Variants in USH2A observed in about 807,000 individuals in gnomAD.
USH2A encodes usherin.
USH2A carries 443 observed loss-of-function variants against 538.9 expected under a neutral mutation model. The observed-to-expected ratio is 0.82, with a 90% CI of 0.76 to 0.89. The LOEUF is 0.89. Among genes scored for constraint, USH2A ranks in the 40% least tolerant of loss-of-function variants. The pLI, the probability that USH2A is intolerant of heterozygous loss-of-function variation, is 0.00. For synonymous variants in USH2A, 2,413 were observed against 2,273.5 expected (o/e 1.06, Z -1.75); for missense variants, 6,633 against 6,324.8 (o/e 1.05, Z -1.65).
Position 215,952,264 on chromosome 1 carries a change from C to T in USH2A, c.7120+13053G>A, listed in dbSNP as rs887918200. Reference sequence around the variant, plus strand: ...CTTCCTCCATCCCTTTATTTTGAGCCTATGTGTGTCTCTGCACGTGAGATG... The same window carrying T: ...CTTCCTCCATCCCTTTATTTTGAGCTTATGTGTGTCTCTGCACGTGAGATG... On this transcript the variant is annotated intron_variant, in intron 37 of 71. Transcript: ENST00000307340. Among the ~76,000 whole-genome samples the T allele has an allele frequency of 5.3e-5, 8 of 152,314 alleles. No homozygotes were observed. The East Asian group carries it at 1.2e-3, about 22-fold the overall frequency.
chr1:215,920,839 G>T (rs1397848882), intron 38 of USH2A, among the ~76,000 whole-genome samples: 1 of 152,042 alleles, frequency 6.6e-6, no homozygotes, highest in East Asian at 1.9e-4. Flanking sequence ...AGATTTTGAT[G>T]AGGAAAGTAT....
chr1:216,361,044 G>A (rs1479228566), intron 4 of USH2A, among the ~76,000 whole-genome samples: 1 of 152,080 alleles, frequency 6.6e-6, no homozygotes, highest in African/African-American at 2.4e-5. Context: ...TTTGGCCCAA[G>A]TATAGACAGA....
At chr1:216,132,465 G>C (rs1298933385) in intron 21 of USH2A, among the ~76,000 whole-genome samples, 8 of 151,998 alleles carry the variant, frequency 5.3e-5, no homozygotes, top group African/African-American at 1.9e-4. Context: ...TGAGAATCAT[G>C]AACTCCTGCA....
intron 56 of USH2A, among the ~76,000 whole-genome samples, chr1:215,764,665 A>T (rs114669177): frequency 2.2e-3 from 335 of 152,238 alleles, no homozygotes; most frequent in African/African-American, 7.8e-3. Flanking sequence ...AAAATACTCA[A>T]ATATGAGATC....
intron 3 of USH2A, among the ~76,000 whole-genome samples, chr1:216,392,491 C>CAAA (rs55951311): frequency 2.8e-4 from 14 of 49,458 alleles, no homozygotes; most frequent in African/African-American, 6.2e-4. Context: ...GACTCCGTCT[C>CAAA]AAAAAAAAAA....
Position 216,327,658 on chromosome 1 carries a change from C to A in USH2A, c.785-4G>T. On this transcript the variant is annotated splice_polypyrimidine_tract_variant and splice_region_variant and intron_variant, in intron 4 of 71. Transcript: ENST00000307340. Reference sequence around the variant, plus strand: ...CTTCCGACAAACTGCTCTAAACCTGCAAATACACACATGTGCATAATATAA... The same window carrying A: ...CTTCCGACAAACTGCTCTAAACCTGAAAATACACACATGTGCATAATATAA... The A allele has an allele frequency of 6.2e-7, 1 of 1,612,916 alleles. No individual in the cohort carries two copies. The highest frequency in any genetic ancestry group is 8.5e-7 in the Non-Finnish European group (1 of 1,179,356).
intron 3 of USH2A, among the ~76,000 whole-genome samples, chr1:216,370,539 G>T (rs541736859): frequency 6.6e-6 from 1 of 150,442 alleles, no homozygotes; most frequent in African/African-American, 2.5e-5. Flanking sequence ...AATTAGCTGG[G>T]TATGGTGGCA....
intron 55 of USH2A, among the ~76,000 whole-genome samples, chr1:215,774,405 A>T (rs1255800740): frequency 1.3e-5 from 2 of 151,584 alleles, no homozygotes; most frequent in African/African-American, 4.8e-5. Context: ...CACCAAGGAA[A>T]GACCCTTTTT....
At chr1:216,250,659 G>A (rs974013549) in intron 12 of USH2A, among the ~76,000 whole-genome samples, 1 of 152,156 alleles carries the variant, frequency 6.6e-6, no homozygotes, top group African/African-American at 2.4e-5. Context: ...ATGGGACCAT[G>A]GGAATTAATG....
chr1:216,388,166 C>T (rs1442956801), intron 3 of USH2A, among the ~76,000 whole-genome samples: 1 of 152,192 alleles, frequency 6.6e-6, no homozygotes, highest in African/African-American at 2.4e-5. Flanking sequence ...CCATTATTTT[C>T]TCAAATGAAT....
chr1:215,781,497 G>A (rs552113492), intron 54 of USH2A, among the ~76,000 whole-genome samples: 2 of 152,028 alleles, frequency 1.3e-5, no homozygotes, highest in South Asian at 4.2e-4. Flanking sequence ...ACCAAGTTTT[G>A]TAGATTTTAT....
chr1:216,112,770 G>A (rs950874034), intron 21 of USH2A, among the ~76,000 whole-genome samples: 1 of 151,844 alleles, frequency 6.6e-6, no homozygotes, highest in African/African-American at 2.4e-5. Context: ...CTATGTTCCT[G>A]CAAAAGACAT....
At chr1:215,880,565 A>G (rs1664877606) in intron 41 of USH2A, among the ~76,000 whole-genome samples, 1 of 152,208 alleles carries the variant, frequency 6.6e-6, no homozygotes. Flanking sequence ...AAAACACCCT[A>G]AAACTAGCAA....
At chr1:216,094,113 A>AG (rs2032380222) in intron 22 of USH2A, among the ~76,000 whole-genome samples, 1 of 152,186 alleles carries the variant, frequency 6.6e-6, no homozygotes, top group Non-Finnish European at 1.5e-5. Flanking sequence ...AACAGGTTGA[A>AG]GGGGAAAAAG....
At chr1:215,993,687 C>A (rs116840685) in intron 34 of USH2A, among the ~76,000 whole-genome samples, 93 of 152,178 alleles carry the variant, frequency 6.1e-4, no homozygotes, top group Non-Finnish European at 1.1e-3. Flanking sequence ...TAGCATAACA[C>A]CAAATAAAAT....
rs577121082 is a variant in USH2A, at chr1:216,299,407, A to G, written c.1645-7037T>C. Among the ~76,000 whole-genome samples, 3 of 152,302 alleles carry G rather than the reference A, an allele frequency of 2.0e-5. No individual in the cohort carries two copies. The South Asian group carries it at 6.2e-4, about 32-fold the overall frequency. ...GATAAAGGTGGACTTATCTATAGATATAAATATGCAATTTTAAGAAGATAG... is the reference window on the plus strand; with the variant it reads ...GATAAAGGTGGACTTATCTATAGATGTAAATATGCAATTTTAAGAAGATAG... On this transcript the variant is annotated intron_variant, in intron 9 of 71. Coordinates refer to ENST00000307340, the MANE Select transcript of USH2A (RefSeq NM_206933.4).
chr1:216,370,677 C>CAAAAAAAAAAAAAAAAAAAAAA (rs58845914), intron 3 of USH2A, among the ~76,000 whole-genome samples: 7 of 29,998 alleles, frequency 2.3e-4, no homozygotes, highest in Non-Finnish European at 3.1e-4. Context: ...GACTCTGTCT[C>CAAAAAAAAAAAAAAAAAAAAAA]AAAAAAAAAA....
intron 44 of USH2A, among the ~76,000 whole-genome samples, chr1:215,866,061 G>T (rs1024865858): frequency 6.6e-6 from 1 of 152,086 alleles, no homozygotes; most frequent in African/African-American, 2.4e-5. Context: ...TGAGCAGAGT[G>T]TTCTTTCATA....
intron 7 of USH2A, 74 bp downstream of exon 7, chr1:216,324,094 T>C: frequency 6.6e-7 from 1 of 1,519,264 alleles, no homozygotes. Context: ...TCCACCAGCC[T>C]AGAGAGCTAG....
Sources: gnomAD v4.1 joint callset for allele counts (sites outside exome capture counted in the v4.1 genomes callset) on GRCh38, gnomAD v4.1.1 for gene constraint, MANE v1.5 for transcripts, NCBI Gene and HGNC (gene_info 2026-07-23, HGNC 2026-07-21) for gene names.